Variants in CPNE4 observed in about 807,000 individuals in gnomAD.
CPNE4 encodes copine 4.
Under a neutral mutation model 67.9 loss-of-function variants are expected in CPNE4, and 25 were observed. That is an observed-to-expected ratio of 0.37 (90% CI 0.27 to 0.51). The LOEUF (loss-of-function observed/expected upper bound fraction) is 0.51. Among genes scored for constraint, CPNE4 ranks in the 20% least tolerant of loss-of-function variants. The pLI is 0.93. For missense variants in CPNE4, 464 were observed against 690.8 expected, an observed-to-expected ratio of 0.67 and a Z score of 3.68; for synonymous variants, 242 against 244.9, an observed-to-expected ratio of 0.99 and a Z score of 0.11.
At chr3:131,721,398 C>CATTTTTTT (rs57350854) in intron 3 of CPNE4, among the ~76,000 whole-genome samples, 1 of 128,342 alleles carries the variant, frequency 7.8e-6, no homozygotes, top group African/African-American at 3.0e-5. Flanking sequence ...ACGGATCTAC[C>CATTTTTTT]TTTTTTTTTT....
At chr3:131,715,749 G>A (rs2081667743) in intron 3 of CPNE4, among the ~76,000 whole-genome samples, 1 of 152,218 alleles carries the variant, frequency 6.6e-6, no homozygotes, top group African/African-American at 2.4e-5. Flanking sequence ...ATATGAGGAT[G>A]AATGAATGAG....
chr3:131,662,436 T>A (rs1037790947), intron 7 of CPNE4, among the ~76,000 whole-genome samples: 1 of 152,284 alleles, frequency 6.6e-6, no homozygotes, highest in South Asian at 2.1e-4. Context: ...CATACACATA[T>A]ACATATACAC....
At chr3:131,820,412 C>T (rs1448412685) in intron 2 of CPNE4, among the ~76,000 whole-genome samples, 1 of 152,178 alleles carries the variant, frequency 6.6e-6, no homozygotes, top group Non-Finnish European at 1.5e-5. Context: ...ATAAATGTGG[C>T]TGCTCACAGA....
At chr3:131,894,056 C>T (rs946408651) in intron 2 of CPNE4, among the ~76,000 whole-genome samples, 6 of 151,640 alleles carry the variant, frequency 4.0e-5, no homozygotes, top group African/African-American at 1.5e-4. Context: ...ATTGACAAAA[C>T]CTTTAGATAG....
At chr3:131,841,400 AGTCTGTG>A (rs965221132) in intron 2 of CPNE4, among the ~76,000 whole-genome samples, 6 of 152,224 alleles carry the variant, frequency 3.9e-5, no homozygotes, top group Admixed American at 1.3e-4. Context: ...GACCAGTACC[AGTCTGTG>A]GCCTGTTAGG....
chr3:131,956,836 T>C (rs573901316), intron 1 of CPNE4, among the ~76,000 whole-genome samples: 2 of 152,320 alleles, frequency 1.3e-5, no homozygotes, highest in Admixed American at 1.3e-4. Flanking sequence ...TGTTTTAGAA[T>C]GGAGAGAGAA....
intron 5 of CPNE4, among the ~76,000 whole-genome samples, chr3:131,693,848 T>C (rs1276018274): frequency 2.0e-5 from 3 of 152,176 alleles, no homozygotes; most frequent in Non-Finnish European, 4.4e-5. Flanking sequence ...ATTCATTAAC[T>C]CTCTGCTCCA....
rs540413727 is a variant in CPNE4, at chr3:131,609,746, A to C, written c.682-22164T>G. Among the ~76,000 whole-genome samples the C allele has an allele frequency of 7.9e-5, 12 of 152,340 alleles. No homozygotes were observed. The South Asian group carries it at 2.3e-3, about 29-fold the overall frequency. On this transcript the variant is annotated intron_variant, in intron 7 of 15. Coordinates refer to ENST00000429747, the MANE Select transcript of CPNE4 (RefSeq NM_130808.3). ...TAGCCCACATTAGCTAAGAATTTTC[A>C]AGAATATTTCATAAAAACAAGCTAG...
At position 131,992,652 on chromosome 3, in the gene CPNE4, A is replaced by G. The variant is rs943283295; in HGVS notation, c.-2+41915T>C. Among the ~76,000 whole-genome samples, 12 of 135,968 alleles carry G rather than the reference A, an allele frequency of 8.8e-5. 3 individuals carry two copies. The highest frequency in any genetic ancestry group is 1.8e-4 in the Non-Finnish European group (11 of 59,850). 89.2% of individuals were successfully genotyped at this position (135,968 alleles called of 152,430 possible). ...TGATTGTGTTTTGAAATGTGAGGAC[A>G]TAAGATTTGGGAGGGGCCAGAGGCA... On this transcript the variant is annotated intron_variant, in intron 1 of 15. Transcript: ENST00000429747.
chr3:131,690,286 C>T (rs1166569026), intron 5 of CPNE4, among the ~76,000 whole-genome samples: 1 of 152,246 alleles, frequency 6.6e-6, no homozygotes, highest in Non-Finnish European at 1.5e-5. Context: ...CAACTTCAAA[C>T]TATACTATAA....
chr3:131,947,582 C>T (rs1298202130), intron 1 of CPNE4, among the ~76,000 whole-genome samples: 1 of 152,182 alleles, frequency 6.6e-6, no homozygotes, highest in African/African-American at 2.4e-5. Context: ...TTTTTTATGG[C>T]TGCATAGTAT....
At chr3:131,617,471 G>A (rs922924787) in intron 7 of CPNE4, among the ~76,000 whole-genome samples, 2 of 152,142 alleles carry the variant, frequency 1.3e-5, no homozygotes, top group East Asian at 1.9e-4. Context: ...GCTAAAGATC[G>A]GAGGTGAGGC....
chr3:131,659,120 A>G (rs942497222), intron 7 of CPNE4, among the ~76,000 whole-genome samples: 1 of 152,228 alleles, frequency 6.6e-6, no homozygotes, highest in East Asian at 1.9e-4. Flanking sequence ...ACTATAGAGT[A>G]TCTCATATTA....
intron 3 of CPNE4, among the ~76,000 whole-genome samples, chr3:131,712,314 T>C (rs1460899759): frequency 6.6e-6 from 1 of 152,252 alleles, no homozygotes; most frequent in African/African-American, 2.4e-5. Flanking sequence ...TCCCACAACC[T>C]AGATGTCATC....
intron 1 of CPNE4, among the ~76,000 whole-genome samples, chr3:132,009,043 C>A (rs1388004690): frequency 6.6e-6 from 1 of 152,174 alleles, no homozygotes; most frequent in Non-Finnish European, 1.5e-5. Flanking sequence ...GGAGGGTATG[C>A]ACACAGAATG....
chr3:131,826,012 T>C (rs1035745033), intron 2 of CPNE4, among the ~76,000 whole-genome samples: 21 of 152,140 alleles, frequency 1.4e-4, no homozygotes, highest in African/African-American at 4.3e-4. Flanking sequence ...GTTAAGTAAA[T>C]GAAGAAATTG....
At chr3:132,019,007 A>C (rs1262983376) in intron 1 of CPNE4, among the ~76,000 whole-genome samples, 1 of 152,224 alleles carries the variant, frequency 6.6e-6, no homozygotes, top group East Asian at 1.9e-4. Flanking sequence ...AGAACTTTTT[A>C]AAAAGCTGTT....
intron 1 of CPNE4, among the ~76,000 whole-genome samples, chr3:132,000,719 C>G (rs2073410782): frequency 6.6e-6 from 1 of 151,416 alleles, no homozygotes; most frequent in Admixed American, 6.6e-5. Flanking sequence ...ACAGAATAAA[C>G]AACTACAAAA....
In CPNE4 at chr3:131,671,900, A is replaced by G. The variant is rs561812813; in HGVS notation, c.592-2136T>C. ...TAGTCACCATATTGTTCTGTCAAAT[A>G]CTAGATCTTATTCATTCTAACTAGA... On this transcript the variant is annotated intron_variant, in intron 6 of 15. Coordinates refer to ENST00000429747, the MANE Select transcript of CPNE4 (RefSeq NM_130808.3). 1.0e-3 allele frequency among the ~76,000 whole-genome samples: 157 copies of G among 152,258 alleles called. 1 individual carries two copies. Among genetic ancestry groups the G allele is most frequent in the African/African-American group, 3.7e-3 (154 of 41,556 alleles).
Sources: allele counts gnomAD v4.1 joint callset (sites outside exome capture counted in the v4.1 genomes callset), GRCh38; gene constraint gnomAD v4.1.1; transcripts MANE v1.5; gene names NCBI Gene and HGNC (gene_info 2026-07-23, HGNC 2026-07-21).